The following RARB variants were observed in gnomAD, a reference collection of about 807,000 sequenced individuals.
The protein encoded by RARB is HBV-activated protein.
RARB carries 17 observed loss-of-function variants against 51.9 expected under a neutral mutation model. The ratio of observed to expected loss-of-function variants is 0.33; its 90% CI spans 0.22 to 0.49. RARB has a LOEUF of 0.49. Ranked by LOEUF, RARB falls within the 20% of genes least tolerant of loss-of-function variation. The pLI is 0.99. For missense variants in RARB, 369 were observed against 550.8 expected (o/e 0.67, Z 3.30); for synonymous variants, 215 against 195.4 (o/e 1.10, Z -0.84).
chr3:25,354,214 A>G (rs373057316), intron 5 of RARB, among the ~76,000 whole-genome samples: 150 of 152,230 alleles, frequency 9.9e-4, no homozygotes, highest in Middle Eastern at 6.8e-3. Context: ...CAAGTCTATA[A>G]TGTGACTCAT....
intron 4 of RARB, among the ~76,000 whole-genome samples, chr3:25,135,054 C>CA (rs1251580503): frequency 7.0e-6 from 1 of 143,492 alleles, no homozygotes; most frequent in Non-Finnish European, 1.5e-5. Context: ...TTCCTTTTCC[C>CA]TTTTTTTTTT....
chr3:25,298,349 A>AT (rs1413811529), intron 5 of RARB, among the ~76,000 whole-genome samples: 2 of 151,874 alleles, frequency 1.3e-5, no homozygotes, highest in Admixed American at 6.6e-5. Flanking sequence ...CGCCTGGCTA[A>AT]TTTTTTATTT....
chr3:25,446,539 C>A (rs1288045220), intron 1 of RARB, among the ~76,000 whole-genome samples: 1 of 152,156 alleles, frequency 6.6e-6, no homozygotes, highest in Non-Finnish European at 1.5e-5. Context: ...CGCAGTGGCT[C>A]ACGCCTGTAA....
chr3:25,471,951 T>C (rs1166916620), intron 2 of RARB, among the ~76,000 whole-genome samples: 3 of 152,174 alleles, frequency 2.0e-5, no homozygotes, highest in African/African-American at 2.4e-5. Flanking sequence ...CTTCTCATTG[T>C]CAGGGCAGGG....
intron 1 of RARB, chr3:25,441,424 T>C: frequency 5.2e-6 from 1 of 193,164 alleles, no homozygotes. Flanking sequence ...CAATGAGGTT[T>C]CTCCACCCCG....
intron 5 of RARB, among the ~76,000 whole-genome samples, chr3:25,340,764 C>T (rs1171756014): frequency 1.3e-5 from 2 of 152,108 alleles, no homozygotes; most frequent in Non-Finnish European, 2.9e-5. Flanking sequence ...CAAAGCCTGG[C>T]AAGGAATTTT....
chr3:24,898,272 G>T (rs530536917), intron 2 of RARB, among the ~76,000 whole-genome samples: 8 of 151,338 alleles, frequency 5.3e-5, no homozygotes, highest in Non-Finnish European at 1.0e-4. Flanking sequence ...TTGTGAAATA[G>T]CCTGCAAAAT....
At chr3:25,100,773 G>A (rs533391513) in intron 3 of RARB, among the ~76,000 whole-genome samples, 46 of 152,220 alleles carry the variant, frequency 3.0e-4, no homozygotes, top group East Asian at 1.5e-3. Context: ...ACTCGGTCAC[G>A]TGTCAAAAGG....
chr3:25,171,965 T>G (rs572025166), intron 4 of RARB, among the ~76,000 whole-genome samples: 1 of 152,262 alleles, frequency 6.6e-6, no homozygotes, highest in Non-Finnish European at 1.5e-5. Flanking sequence ...AGAGGCTGTT[T>G]ACTTTCTTTT....
chr3:24,973,038 A>G (rs1453161610), intron 2 of RARB, among the ~76,000 whole-genome samples: 1 of 151,994 alleles, frequency 6.6e-6, no homozygotes, highest in East Asian at 1.9e-4. Context: ...GTTTTTCACA[A>G]AAAAGCTTTG....
At chr3:25,142,390 G>T (rs573280485) in intron 4 of RARB, among the ~76,000 whole-genome samples, 1 of 152,206 alleles carries the variant, frequency 6.6e-6, no homozygotes, top group East Asian at 1.9e-4. Context: ...CATTGAATCA[G>T]GATCTGCATT....
intron 2 of RARB, among the ~76,000 whole-genome samples, chr3:25,463,294 A>G (rs989710129): frequency 1.3e-5 from 2 of 152,146 alleles, no homozygotes; most frequent in African/African-American, 4.8e-5. Flanking sequence ...TTGCCTATGA[A>G]CACAAAGTGG....
intron 5 of RARB, among the ~76,000 whole-genome samples, chr3:25,367,817 C>CAAAAA (rs369165017): frequency 3.2e-5 from 4 of 125,560 alleles, no homozygotes; most frequent in East Asian, 2.3e-4. Context: ...AAAAAACAAG[C>CAAAAA]AAAAAAAAAA....
intron 4 of RARB, among the ~76,000 whole-genome samples, chr3:25,161,557 C>T (rs764846732): frequency 6.6e-6 from 1 of 152,084 alleles, no homozygotes; most frequent in Non-Finnish European, 1.5e-5. Context: ...TCCATACTTT[C>T]ATCGTGGTCT....
chr3:25,021,114 C>A (rs936221342), intron 2 of RARB, among the ~76,000 whole-genome samples: 1 of 152,042 alleles, frequency 6.6e-6, no homozygotes, highest in African/African-American at 2.4e-5. Flanking sequence ...TGATGGTGAA[C>A]GCTGTTGTAA....
chr3:25,362,773 T>C (rs1705988069), intron 5 of RARB, among the ~76,000 whole-genome samples: 1 of 152,160 alleles, frequency 6.6e-6, no homozygotes, highest in South Asian at 2.1e-4. Flanking sequence ...TGCCCCACCC[T>C]GCTTTGGCTC....
chr3:25,197,026 A>G (rs1479634191), intron 5 of RARB, among the ~76,000 whole-genome samples: 1 of 151,742 alleles, frequency 6.6e-6, no homozygotes, highest in East Asian at 1.9e-4. Flanking sequence ...TTGCCTGTTC[A>G]CTCTCATGGT....
Position 25,529,003 on chromosome 3 carries a change from G to A in RARB, c.448+27680G>A, listed in dbSNP as rs985523141. ...TAAATCAATAAATAATAATCAATGT[G>A]TGGCTCTCTCCTGCTCAAAATTGTT... On this transcript the variant is annotated intron_variant, in intron 3 of 7. Transcript: ENST00000330688. Among the ~76,000 whole-genome samples the A allele has an allele frequency of 1.3e-4, 20 of 152,060 alleles. No homozygotes were observed. In the South Asian group the frequency reaches 4.0e-3, roughly 30 times the overall value.
chr3:25,223,827 C>G (rs758032993), intron 5 of RARB, among the ~76,000 whole-genome samples: 1 of 152,298 alleles, frequency 6.6e-6, no homozygotes, highest in African/African-American at 2.4e-5. Context: ...AGCACTATCA[C>G]CCGAGTATTT....
Sources: gnomAD v4.1 joint callset for allele counts (sites outside exome capture counted in the v4.1 genomes callset) on GRCh38, gnomAD v4.1.1 for gene constraint, MANE v1.5 for transcripts, NCBI Gene and HGNC (gene_info 2026-07-23, HGNC 2026-07-21) for gene names.